Variants in INPP4B observed in about 807,000 individuals in gnomAD.
INPP4B encodes inositol polyphosphate-4-phosphatase type II B.
In INPP4B, 55 loss-of-function variants were observed where a neutral mutation model predicts 122.5. The ratio of observed to expected loss-of-function variants is 0.45; its 90% confidence interval spans 0.36 to 0.56. The LOEUF (loss-of-function observed/expected upper bound fraction) is 0.56. INPP4B is among the 20% of genes least tolerant of loss of function. The probability of loss-of-function intolerance (pLI) is 0.00; values close to 1 mark genes in which losing one functional copy is unlikely to be tolerated. For missense variants in INPP4B, 1,000 were observed against 1,097.7 expected (o/e 0.91, Z 1.26); for synonymous variants, 403 against 388.7 (o/e 1.04, Z -0.43).
chr4:142,594,717 A>G (rs1560842477), intron 2 of INPP4B, among the ~76,000 whole-genome samples: 1 of 152,128 alleles, frequency 6.6e-6, no homozygotes, highest in African/African-American at 2.4e-5. Context: ...GCACTTTGGG[A>G]GCCCGAGGCG....
At chr4:142,804,455 C>G (rs1778419874) in intron 1 of INPP4B, among the ~76,000 whole-genome samples, 1 of 152,148 alleles carries the variant, frequency 6.6e-6, no homozygotes, top group South Asian at 2.1e-4. Context: ...GGGTTGAATA[C>G]TTCATCTCCT....
intron 2 of INPP4B, among the ~76,000 whole-genome samples, chr4:142,469,653 G>A (rs998125225): frequency 2.0e-5 from 3 of 152,094 alleles, no homozygotes; most frequent in African/African-American, 7.2e-5. Context: ...ACAGATTAGT[G>A]GGAAAACATG....
chr4:142,243,127 G>A (rs1212623781), intron 11 of INPP4B, among the ~76,000 whole-genome samples: 1 of 152,138 alleles, frequency 6.6e-6, no homozygotes, highest in Admixed American at 6.6e-5. Flanking sequence ...AGAGCACAGG[G>A]ATCAGAATCA....
chr4:142,046,591 G>A (rs956080840), intron 25 of INPP4B, among the ~76,000 whole-genome samples: 9 of 152,104 alleles, frequency 5.9e-5, no homozygotes, highest in African/African-American at 1.9e-4. Flanking sequence ...ACTGAGTAGA[G>A]GCTAGAGTGA....
At chr4:142,205,557 T>C (rs1842271767) in intron 14 of INPP4B, among the ~76,000 whole-genome samples, 1 of 152,146 alleles carries the variant, frequency 6.6e-6, no homozygotes, top group South Asian at 2.1e-4. Flanking sequence ...TTTGTTCCAG[T>C]GATGGAAAAT....
At chr4:142,684,839 C>T (rs1172889691) in intron 2 of INPP4B, among the ~76,000 whole-genome samples, 2 of 151,898 alleles carry the variant, frequency 1.3e-5, no homozygotes, top group Admixed American at 1.3e-4. Context: ...TTATTAATTA[C>T]TTGGCAAAAT....
chr4:142,584,951 G>C (rs555368366), intron 2 of INPP4B, among the ~76,000 whole-genome samples: 1 of 152,232 alleles, frequency 6.6e-6, no homozygotes, highest in East Asian at 1.9e-4. Flanking sequence ...TAAACTTTGA[G>C]TTATAAGCCA....
In INPP4B at chr4:142,236,918, C is replaced by T. The variant is rs1041350453; in HGVS notation, c.836+946G>A. Among the ~76,000 whole-genome samples, 17 of 152,284 alleles carry T rather than the reference C, an allele frequency of 1.1e-4. No homozygotes were observed. In the East Asian group the frequency reaches 1.4e-3, roughly 12 times the overall value. ...GATTTCAGCAATTAAAAAGTGTTAA[C>T]GCTTTAAAAGTTGCTAATTTAATGA... On this transcript the variant is annotated intron_variant, in intron 12 of 25. Transcript: ENST00000262992.
chr4:142,064,250 T>G (rs1291358153), intron 25 of INPP4B, among the ~76,000 whole-genome samples: 1 of 152,202 alleles, frequency 6.6e-6, no homozygotes, highest in African/African-American at 2.4e-5. Flanking sequence ...AGGAACCACA[T>G]GATACATTAG....
intron 2 of INPP4B, among the ~76,000 whole-genome samples, chr4:142,473,838 C>A (rs1295549690): frequency 6.6e-6 from 1 of 152,166 alleles, no homozygotes; most frequent in Non-Finnish European, 1.5e-5. Flanking sequence ...ACTCACTTCC[C>A]TGTGAACTCA....
At chr4:142,589,516 A>T (rs1260278173) in intron 2 of INPP4B, among the ~76,000 whole-genome samples, 1 of 152,130 alleles carries the variant, frequency 6.6e-6, no homozygotes, top group Non-Finnish European at 1.5e-5. Flanking sequence ...GTCAAACAGC[A>T]TATGAAAAAC....
At chr4:142,114,599 T>C (rs1387440412) in intron 21 of INPP4B, among the ~76,000 whole-genome samples, 2 of 152,114 alleles carry the variant, frequency 1.3e-5, no homozygotes, top group Non-Finnish European at 2.9e-5. Flanking sequence ...TTTGCCCATA[T>C]TTAAATTAGG....
At chr4:142,723,362 A>G (rs1417402976) in intron 2 of INPP4B, among the ~76,000 whole-genome samples, 2 of 152,134 alleles carry the variant, frequency 1.3e-5, no homozygotes, top group African/African-American at 4.8e-5. Context: ...AACCTATGTA[A>G]AAATTGAACA....
At chr4:142,655,342 T>A (rs1319944606) in intron 2 of INPP4B, among the ~76,000 whole-genome samples, 1 of 152,174 alleles carries the variant, frequency 6.6e-6, no homozygotes, top group African/African-American at 2.4e-5. Context: ...TAGATTAAAA[T>A]TTTCCATCTT....
intron 1 of INPP4B, among the ~76,000 whole-genome samples, chr4:142,735,924 A>AACACACACACACACACACAC (rs33993491): frequency 1.4e-5 from 2 of 142,630 alleles, no homozygotes; most frequent in African/African-American, 5.2e-5. Flanking sequence ...TATACATTGC[A>AACACACACACACACACACAC]ACACACACAC....
At chr4:142,189,675 G>C (rs1344859833) in intron 15 of INPP4B, among the ~76,000 whole-genome samples, 1 of 151,958 alleles carries the variant, frequency 6.6e-6, no homozygotes, top group Non-Finnish European at 1.5e-5. Context: ...GAGGAGAACA[G>C]AATAAAAGGA....
At chr4:142,653,203 A>C (rs988456226) in intron 2 of INPP4B, among the ~76,000 whole-genome samples, 1 of 152,178 alleles carries the variant, frequency 6.6e-6, no homozygotes, top group African/African-American at 2.4e-5. Context: ...CCTTCCTTAC[A>C]CCTTATACAA....
intron 1 of INPP4B, among the ~76,000 whole-genome samples, chr4:142,839,802 T>C (rs1266262017): frequency 6.6e-6 from 1 of 152,136 alleles, no homozygotes; most frequent in East Asian, 1.9e-4. Context: ...ACCTTTGAAA[T>C]GTTACATAAT....
Position 142,024,006 on chromosome 4 carries a change from CAT to C in INPP4B, c.*4774_*4775del, listed in dbSNP as rs1372440933. ...TGTCTCCTTGTTATTAATAGCAAGA[CAT>C]ATGTTCCTTTTAGAAATGTTTGATT... On this transcript the variant is annotated 3_prime_UTR_variant, in exon 26 of 26. Coordinates refer to ENST00000262992, the MANE Select transcript of INPP4B (RefSeq NM_001101669.3). 3 of 151,746 alleles carry C rather than the reference CAT, an allele frequency of 2.0e-5. No homozygotes were observed. The highest frequency in any genetic ancestry group is 2.0e-4 in the Admixed American group (3 of 15,204). 9.4% of individuals were successfully genotyped at this position (151,746 alleles called of 1,614,324 possible).
Sources: gnomAD v4.1 joint callset for allele counts (sites outside exome capture counted in the v4.1 genomes callset) on GRCh38, gnomAD v4.1.1 for gene constraint, MANE v1.5 for transcripts, NCBI Gene and HGNC (gene_info 2026-07-23, HGNC 2026-07-21) for gene names.